The following ACACA variants were observed in gnomAD, a reference collection of about 807,000 sequenced individuals.
The protein encoded by ACACA is acetyl-CoA carboxylase alpha.
A neutral mutation model predicts 296.1 loss-of-function variants in ACACA; 103 were observed. That is an observed-to-expected ratio of 0.35 (90% CI 0.30 to 0.41). ACACA has a LOEUF of 0.41. ACACA is among the 10% of genes least tolerant of loss of function. The pLI is 1.00. For missense variants in ACACA, 1,554 were observed against 2,989.7 expected, an observed-to-expected ratio of 0.52 and a Z score of 11.20; for synonymous variants, 953 against 1,038.6, an observed-to-expected ratio of 0.92 and a Z score of 1.58.
intron 3 of ACACA, among the ~76,000 whole-genome samples, chr17:37,302,111 G>T (rs1201813409): frequency 3.3e-5 from 5 of 151,606 alleles, no homozygotes; most frequent in African/African-American, 1.2e-4. Context: ...CCAAGTAGCT[G>T]GAACTAAAAG....
intron 35 of ACACA, among the ~76,000 whole-genome samples, chr17:37,197,731 T>C (rs553687831): frequency 1.5e-5 from 2 of 131,310 alleles, no homozygotes; most frequent in Non-Finnish European, 3.4e-5. Flanking sequence ...TAATAGATTC[T>C]GGATGGAGTT....
At chr17:37,267,152 T>C (rs1347793601) in intron 10 of ACACA, among the ~76,000 whole-genome samples, 3 of 152,218 alleles carry the variant, frequency 2.0e-5, no homozygotes, top group Non-Finnish European at 4.4e-5. Flanking sequence ...ATAGCAACCA[T>C]TTTATTTTAT....
chr17:37,097,315 G>C lies in ACACA; in HGVS notation c.6721-149C>G, dbSNP rs371237958. 3.8e-4 allele frequency: 340 copies of C among 900,298 alleles called. 5 individuals are homozygous for C. The Middle Eastern group carries it at 4.4e-3, about 12-fold the overall frequency. The allele number at this position is 900,298 out of a possible 1,614,324, so 55.8% of individuals were successfully genotyped here. A position where few individuals can be genotyped will look rare whatever the true frequency, so the allele number is the denominator to read the frequency against. On this transcript the variant is annotated intron_variant, in intron 53 of 55. Transcript: ENST00000616317. The surrounding 1 kb of genome is among the most constrained non-coding windows in gnomAD (Gnocchi z 4.8). ...CTGTAAACTCCTAGCACTTCCAGAT[G>C]TCCCCCAGGGCAGAAATGCAGCCCA...
At chr17:37,265,142 T>C (rs532654524) in intron 10 of ACACA, among the ~76,000 whole-genome samples, 207 of 152,216 alleles carry the variant, frequency 1.4e-3, no homozygotes, top group African/African-American at 4.8e-3. Flanking sequence ...AATTTATACA[T>C]CACTTTGGCC....
chr17:37,229,993 G>A (rs995342833), intron 25 of ACACA, among the ~76,000 whole-genome samples: 2 of 152,164 alleles, frequency 1.3e-5, no homozygotes, highest in Admixed American at 1.3e-4. Context: ...CCCAGGAGGT[G>A]GAGGTTGCAG....
intron 24 of ACACA, among the ~76,000 whole-genome samples, chr17:37,239,495 C>G (rs901295434): frequency 1.4e-4 from 21 of 152,208 alleles, no homozygotes; most frequent in Non-Finnish European, 2.8e-4. Flanking sequence ...CATGATGTAT[C>G]CTGCAGATTT....
chr17:37,353,567 A>G (rs1367251757), intron 1 of ACACA, among the ~76,000 whole-genome samples: 1 of 140,128 alleles, frequency 7.1e-6, no homozygotes, highest in Non-Finnish European at 1.5e-5. Flanking sequence ...TGAACCCAGG[A>G]GAAGGAGGTT....
At chr17:37,194,660 C>T (rs2077908433) in intron 35 of ACACA, among the ~76,000 whole-genome samples, 1 of 152,134 alleles carries the variant, frequency 6.6e-6, no homozygotes, top group African/African-American at 2.4e-5. Flanking sequence ...CAAAGCAAAA[C>T]TCATGCTGTA....
At chr17:37,171,172 T>A (rs1231344905) in intron 41 of ACACA, among the ~76,000 whole-genome samples, 2 of 151,790 alleles carry the variant, frequency 1.3e-5, no homozygotes, top group African/African-American at 4.8e-5. Flanking sequence ...TGATCTTGAG[T>A]TTTTTTTGGA....
At chr17:37,310,943 T>C (rs953465432) in intron 3 of ACACA, among the ~76,000 whole-genome samples, 2 of 151,762 alleles carry the variant, frequency 1.3e-5, no homozygotes, top group African/African-American at 4.8e-5. Flanking sequence ...AAGAGTAGAA[T>C]GGAGGTAACA....
At chr17:37,391,867 G>A in intron 1 of ACACA, 1 of 784,962 alleles carries the variant, frequency 1.3e-6, no homozygotes, top group Non-Finnish European at 2.1e-6. Flanking sequence ...TGAAGGGAGA[G>A]TGTGGGCTTA....
At chr17:37,176,541 G>C (rs2077123596) in intron 41 of ACACA, among the ~76,000 whole-genome samples, 1 of 152,088 alleles carries the variant, frequency 6.6e-6, no homozygotes, top group African/African-American at 2.4e-5. Context: ...TCATTCTTGG[G>C]GTAATATGTA....
intron 24 of ACACA, among the ~76,000 whole-genome samples, chr17:37,237,715 T>C (rs530590015): frequency 2.0e-4 from 31 of 152,328 alleles, no homozygotes; most frequent in Admixed American, 2.0e-3. Context: ...AATTATTTTT[T>C]AGGTATATAT....
chr17:37,097,697 G>A lies in ACACA; in HGVS notation c.6720+133C>T, dbSNP rs1237310049. 9 of 1,068,220 alleles carry A rather than the reference G, an allele frequency of 8.4e-6. No individual in the cohort carries two copies. Among genetic ancestry groups the A allele is most frequent in the South Asian group, 1.6e-5 (1 of 63,736 alleles). The allele number at this position is 1,068,220 out of a possible 1,614,324, so 66.2% of individuals were successfully genotyped here. A position where few individuals can be genotyped will look rare whatever the true frequency, so the allele number is the denominator to read the frequency against. On this transcript the variant is annotated intron_variant, in intron 53 of 55. Coordinates refer to ENST00000616317, the MANE Select transcript of ACACA (RefSeq NM_198834.3). The surrounding 1 kb of genome is among the most constrained non-coding windows in gnomAD (Gnocchi z 4.8). ...AAACAGTGAAAATCTAAAAAATATT[G>A]AAAATGTTTTGATCTGCAGAAGTTG...
intron 48 of ACACA, among the ~76,000 whole-genome samples, chr17:37,124,625 G>A (rs1381869366): frequency 6.6e-6 from 1 of 152,190 alleles, no homozygotes; most frequent in Non-Finnish European, 1.5e-5. Context: ...ACCAGGCACA[G>A]AGAATACTTC....
chr17:37,166,140 AT>A (rs955439038), intron 41 of ACACA, among the ~76,000 whole-genome samples: 17 of 145,752 alleles, frequency 1.2e-4, no homozygotes, highest in South Asian at 6.6e-4. Flanking sequence ...TTTCAATTTA[AT>A]TTTTTTTTTT....
chr17:37,401,574 T>C (rs1357857256), intron 1 of ACACA, among the ~76,000 whole-genome samples: 1 of 151,350 alleles, frequency 6.6e-6, no homozygotes, highest in Non-Finnish European at 1.5e-5. Context: ...TTTTTTTTTT[T>C]TTCCAGACGA....
chr17:37,323,872 G>A (rs1218354218), intron 3 of ACACA, among the ~76,000 whole-genome samples: 2 of 152,196 alleles, frequency 1.3e-5, no homozygotes, highest in Non-Finnish European at 2.9e-5. Flanking sequence ...TCCCATAGGA[G>A]CAGAGAAACT....
intron 52 of ACACA, among the ~76,000 whole-genome samples, chr17:37,099,544 C>CGGGAGGGCTGATGGT: frequency 1.2e-5 from 1 of 83,824 alleles, no homozygotes; most frequent in African/African-American, 5.9e-5. Context: ...GGGCTGATGG[C>CGGGAGGGCTGATGGT]GGGAGGGCTG....
Sources: allele counts gnomAD v4.1 joint callset (sites outside exome capture counted in the v4.1 genomes callset), GRCh38; gene constraint gnomAD v4.1.1; non-coding constraint Gnocchi (gnomAD v3.1); transcripts MANE v1.5; gene names NCBI Gene and HGNC (gene_info 2026-07-23, HGNC 2026-07-21).